Variants in MANBA observed in about 807,000 individuals in gnomAD.
MANBA encodes beta-mannosidase.
MANBA carries 83 observed loss-of-function variants against 111.1 expected under a neutral mutation model. That is an observed-to-expected ratio of 0.75 (90% CI 0.63 to 0.90). MANBA has a LOEUF of 0.90. MANBA is among the 40% of genes least tolerant of loss of function. The probability of loss-of-function intolerance (pLI) is 0.00; values close to 1 mark genes in which losing one functional copy is unlikely to be tolerated. For synonymous variants in MANBA, 370 were observed against 378.7 expected, an observed-to-expected ratio of 0.98 and a Z score of 0.27; for missense variants, 1,036 against 1,069.0, an observed-to-expected ratio of 0.97 and a Z score of 0.43.
intron 1 of MANBA, chr4:102,727,405 C>T: frequency 2.1e-6 from 2 of 943,880 alleles, no homozygotes. Flanking sequence ...AATCAGGAGG[C>T]CTGTCCTGGA....
chr4:102,648,479 C>G (rs1254067594), intron 13 of MANBA, among the ~76,000 whole-genome samples: 1 of 151,958 alleles, frequency 6.6e-6, no homozygotes, highest in Non-Finnish European at 1.5e-5. Flanking sequence ...AAGCCAGATG[C>G]AAAAGATCAC....
chr4:102,734,432 A>T, intron 1 of MANBA: 1 of 1,607,654 alleles, frequency 6.2e-7, no homozygotes. Context: ...TATGGTACGG[A>T]CTCTTCCTGG....
intron 7 of MANBA, among the ~76,000 whole-genome samples, chr4:102,678,704 A>T (rs772966179): frequency 6.6e-6 from 1 of 152,198 alleles, no homozygotes; most frequent in Non-Finnish European, 1.5e-5. Flanking sequence ...AAAAGATTTC[A>T]TTTTCAAAAT....
At chr4:102,727,290 T>C (rs1206685072) in intron 1 of MANBA, 1 of 584,294 alleles carries the variant, frequency 1.7e-6, no homozygotes, top group Non-Finnish European at 3.1e-6. Flanking sequence ...CTGCTCTTTC[T>C]GTTTGCTCTG....
chr4:102,735,205 G>A (rs1003117209), intron 1 of MANBA, among the ~76,000 whole-genome samples: 1 of 152,172 alleles, frequency 6.6e-6, no homozygotes, highest in African/African-American at 2.4e-5. Flanking sequence ...GGTAGGCAGT[G>A]CCTGCTTCTG....
chr4:102,678,714 T>C (rs901759597), intron 7 of MANBA, among the ~76,000 whole-genome samples: 3 of 152,206 alleles, frequency 2.0e-5, no homozygotes, highest in Non-Finnish European at 2.9e-5. Context: ...ATTTTCAAAA[T>C]AGAAGGATTA....
At chr4:102,758,151 C>T (rs545092097) in intron 1 of MANBA, among the ~76,000 whole-genome samples, 1 of 152,182 alleles carries the variant, frequency 6.6e-6, no homozygotes, top group East Asian at 1.9e-4. Flanking sequence ...CTTCCTTTAA[C>T]CTGCTCAATT....
intron 12 of MANBA, among the ~76,000 whole-genome samples, chr4:102,653,907 T>C (rs1170747808): frequency 2.6e-5 from 4 of 152,116 alleles, no homozygotes; most frequent in African/African-American, 9.7e-5. Context: ...AGCTACTTAT[T>C]GTCGAGAATG....
intron 5 of MANBA, among the ~76,000 whole-genome samples, chr4:102,703,538 A>G (rs1733158645): frequency 1.3e-5 from 2 of 152,190 alleles, no homozygotes; most frequent in African/African-American, 2.4e-5. Flanking sequence ...TGGCTCCAAG[A>G]GTCTGAACCT....
intron 13 of MANBA, among the ~76,000 whole-genome samples, chr4:102,640,762 T>C (rs1253661644): frequency 1.3e-5 from 2 of 151,804 alleles, no homozygotes; most frequent in Non-Finnish European, 1.5e-5. Context: ...CGCTTTCCCA[T>C]AAAAGCAAAA....
intron 13 of MANBA, among the ~76,000 whole-genome samples, chr4:102,641,205 A>G (rs1364900443): frequency 2.6e-5 from 4 of 152,228 alleles, no homozygotes; most frequent in African/African-American, 9.6e-5. Context: ...AGAGAGGACA[A>G]TACACCATTG....
chr4:102,671,920 T>C (rs1007829894), intron 8 of MANBA: 3 of 413,280 alleles, frequency 7.3e-6, no homozygotes, highest in Non-Finnish European at 1.3e-5. Context: ...GTACCTTCCC[T>C]CCATTCCCAG....
chr4:102,714,351 A>C (rs1722229874), intron 5 of MANBA, 87 bp downstream of exon 5: 1 of 1,299,228 alleles, frequency 7.7e-7, no homozygotes, highest in Admixed American at 2.0e-5. Context: ...AAATCTCTGA[A>C]AAACATACCT....
intron 4 of MANBA, among the ~76,000 whole-genome samples, chr4:102,718,491 G>C (rs963513789): frequency 2.6e-5 from 4 of 152,224 alleles, no homozygotes; most frequent in African/African-American, 9.6e-5. Context: ...GAACAAGGAT[G>C]TGGATAAAGA....
intron 12 of MANBA, 101 bp from the exon 13 acceptor site, chr4:102,650,802 A>T (rs1226528797): frequency 1.1e-6 from 1 of 923,284 alleles, no homozygotes; most frequent in South Asian, 1.4e-5. Flanking sequence ...AACACTAGAG[A>T]AGACCTTGAG....
Position 102,631,665 on chromosome 4 carries a change from C to A in MANBA, c.*392G>T. The A allele has an allele frequency of 2.1e-6, 1 of 466,868 alleles. No individual in the cohort carries two copies. The highest frequency in any genetic ancestry group is 3.8e-6 in the Non-Finnish European group (1 of 266,640). 28.9% of individuals were successfully genotyped at this position (466,868 alleles called of 1,614,324 possible). On this transcript the variant is annotated 3_prime_UTR_variant, in exon 17 of 17. Coordinates refer to ENST00000647097, the MANE Select transcript of MANBA (RefSeq NM_005908.4). ...CTTTATTTGAGTATTCCGTATTCCC[C>A]AAAGCTAGCTGTGAAAGACCTACAT...
In MANBA at chr4:102,751,298, G is replaced by A. The variant is rs147562800; in HGVS notation, c.177+9420C>T. The A allele has an allele frequency of 8.3e-4, 271 of 325,164 alleles. 1 individual carries two copies. The highest frequency in any genetic ancestry group is 6.3e-3 in the South Asian group (241 of 38,230). 20.1% of individuals were successfully genotyped at this position (325,164 alleles called of 1,614,324 possible). A position where few individuals can be genotyped will look rare whatever the true frequency, so the allele number is the denominator to read the frequency against. ...GTCCAGGCTTAGACTGCAGCTTCTCGCTTACCTGTGCAGTCTAATTTTGAG... is the reference window on the plus strand; with the variant it reads ...GTCCAGGCTTAGACTGCAGCTTCTCACTTACCTGTGCAGTCTAATTTTGAG... On this transcript the variant is annotated intron_variant, in intron 1 of 16. Coordinates refer to ENST00000647097, the MANE Select transcript of MANBA (RefSeq NM_005908.4).
chr4:102,695,515 T>C (rs750384977), intron 5 of MANBA, among the ~76,000 whole-genome samples: 1 of 152,204 alleles, frequency 6.6e-6, no homozygotes, highest in Admixed American at 6.5e-5. Context: ...TGTTCCATAC[T>C]TATACCCTCA....
intron 13 of MANBA, 24 bp from the exon 14 acceptor site, chr4:102,639,881 A>T: frequency 6.2e-7 from 1 of 1,613,452 alleles, no homozygotes; most frequent in East Asian, 2.2e-5. Context: ...ACATTCATAC[A>T]CAGGTGTTAT....
Sources: gnomAD v4.1 joint callset for allele counts (sites outside exome capture counted in the v4.1 genomes callset) on GRCh38, gnomAD v4.1.1 for gene constraint, MANE v1.5 for transcripts, NCBI Gene and HGNC (gene_info 2026-07-23, HGNC 2026-07-21) for gene names.